Variants in NCKAP5 observed in about 807,000 individuals in gnomAD.
NCKAP5 encodes the protein NCK associated protein 5.
A neutral mutation model predicts 167.0 loss-of-function variants in NCKAP5; 92 were observed. The observed-to-expected ratio is 0.55, with a 90% confidence interval of 0.47 to 0.66. The LOEUF (loss-of-function observed/expected upper bound fraction) is 0.66. Ranked by LOEUF, NCKAP5 falls within the 30% of genes least tolerant of loss-of-function variation. NCKAP5 has a pLI of 0.00. For missense variants in NCKAP5, 2,378 were observed against 2,315.0 expected (o/e 1.03, Z -0.56); for synonymous variants, 891 against 877.4 (o/e 1.02, Z -0.27).
intron 16 of NCKAP5, among the ~76,000 whole-genome samples, chr2:132,771,885 G>T (rs111763437): frequency 0.13 from 17,800 of 142,070 alleles, 1,328 homozygotes; most frequent in African/African-American, 0.19. Context: ...TAGAGACAGG[G>T]TTTCACCGTG....
chr2:132,706,151 G>A (rs1022574383), intron 19 of NCKAP5, among the ~76,000 whole-genome samples: 1 of 152,010 alleles, frequency 6.6e-6, no homozygotes, highest in African/African-American at 2.4e-5. Context: ...TGAAATAAGT[G>A]TTGGGATGAG....
chr2:133,338,222 G>A (rs546748646), intron 3 of NCKAP5, among the ~76,000 whole-genome samples: 199 of 152,196 alleles, frequency 1.3e-3, no homozygotes, highest in Non-Finnish European at 2.2e-3. Flanking sequence ...CTGTGAAGCA[G>A]TGGAGTGAAA....
chr2:133,505,861 CAGATAGG>C, intron 3 of NCKAP5, among the ~76,000 whole-genome samples: 1 of 152,230 alleles, frequency 6.6e-6, no homozygotes, highest in Non-Finnish European at 1.5e-5. Flanking sequence ...TGGAGTTTAG[CAGATAGG>C]AGCTGCACCG....
chr2:133,094,240 G>A (rs189863120), intron 6 of NCKAP5, among the ~76,000 whole-genome samples: 62 of 152,340 alleles, frequency 4.1e-4, no homozygotes, highest in African/African-American at 1.5e-3. Flanking sequence ...ACAAAGCAGA[G>A]GACAGCTGAG....
At chr2:133,036,560 A>G (rs1045724441) in intron 6 of NCKAP5, among the ~76,000 whole-genome samples, 6 of 152,082 alleles carry the variant, frequency 3.9e-5, no homozygotes, top group African/African-American at 1.4e-4. Context: ...AGAACGAAGG[A>G]TAAAAACCAC....
intron 3 of NCKAP5, among the ~76,000 whole-genome samples, chr2:133,502,330 T>A (rs2151389734): frequency 6.6e-6 from 1 of 152,272 alleles, no homozygotes; most frequent in East Asian, 1.9e-4. Context: ...TGGGTTCTTT[T>A]TTACTCTGTA....
chr2:133,535,364 C>T (rs1275059500), intron 2 of NCKAP5, among the ~76,000 whole-genome samples: 1 of 151,928 alleles, frequency 6.6e-6, no homozygotes, highest in Non-Finnish European at 1.5e-5. Context: ...TGTTTAACTC[C>T]TGCTTTTAAG....
intron 16 of NCKAP5, 88 bp downstream of exon 16, chr2:132,773,728 C>A: frequency 9.7e-7 from 1 of 1,036,104 alleles, no homozygotes; most frequent in Non-Finnish European, 1.4e-6. Context: ...GATAGAGGGA[C>A]ATGGTCTCTA....
At chr2:133,005,323 A>G (rs1480155550) in intron 6 of NCKAP5, among the ~76,000 whole-genome samples, 1 of 152,228 alleles carries the variant, frequency 6.6e-6, no homozygotes, top group Non-Finnish European at 1.5e-5. Context: ...ATAAATGTTC[A>G]TGAAATCTTC....
intron 2 of NCKAP5, among the ~76,000 whole-genome samples, chr2:133,534,805 T>C (rs1158759119): frequency 2.0e-5 from 3 of 152,244 alleles, no homozygotes; most frequent in Admixed American, 2.0e-4. Context: ...TACAACTTTT[T>C]ATATGGACAT....
chr2:133,429,300 T>A (rs908260653), intron 3 of NCKAP5, among the ~76,000 whole-genome samples: 2 of 151,982 alleles, frequency 1.3e-5, no homozygotes, highest in Non-Finnish European at 2.9e-5. Context: ...CTACTTTTTT[T>A]TAATTTCCAT....
chr2:133,032,527 C>G (rs2078912498), intron 6 of NCKAP5, among the ~76,000 whole-genome samples: 1 of 152,150 alleles, frequency 6.6e-6, no homozygotes, highest in Non-Finnish European at 1.5e-5. Context: ...ACCTAGGGGC[C>G]TGGGGGACCT....
intron 6 of NCKAP5, among the ~76,000 whole-genome samples, chr2:133,058,517 G>C (rs1286449347): frequency 6.6e-6 from 1 of 152,214 alleles, no homozygotes; most frequent in Non-Finnish European, 1.5e-5. Flanking sequence ...CAAACCTTCA[G>C]TGGTATAAGT....
chr2:132,726,793 T>C (rs963921229), intron 18 of NCKAP5, among the ~76,000 whole-genome samples: 2 of 152,220 alleles, frequency 1.3e-5, no homozygotes, highest in Admixed American at 6.5e-5. Context: ...AACTACTCTG[T>C]GCTAAGCAGT....
At chr2:132,945,752 C>T (rs1697669913) in intron 8 of NCKAP5, among the ~76,000 whole-genome samples, 1 of 152,160 alleles carries the variant, frequency 6.6e-6, no homozygotes, top group African/African-American at 2.4e-5. Context: ...TTTATTTAAT[C>T]CATTTGCATA....
intron 19 of NCKAP5, among the ~76,000 whole-genome samples, chr2:132,717,010 G>C (rs554776643): frequency 6.6e-6 from 1 of 152,234 alleles, no homozygotes; most frequent in Non-Finnish European, 1.5e-5. Flanking sequence ...ACTCAGCATA[G>C]TGCACACCCA....
chr2:132,900,977 G>GAAAAAAAAAAAAA (rs58885401), intron 8 of NCKAP5, among the ~76,000 whole-genome samples: 1 of 98,668 alleles, frequency 1.0e-5, no homozygotes, highest in African/African-American at 3.7e-5. Flanking sequence ...AAAAAAAAAA[G>GAAAAAAAAAAAAA]AAAAAAAAAA....
the NCKAP5 span, among the ~76,000 whole-genome samples, chr2:133,622,605 G>T: frequency 2.0e-5 from 3 of 152,108 alleles, no homozygotes; most frequent in African/African-American, 7.2e-5. Flanking sequence ...AACCAAGGAT[G>T]TGAAAGACCT....
chr2:132,910,321 A>G (rs1332490718), intron 8 of NCKAP5, among the ~76,000 whole-genome samples: 1 of 152,042 alleles, frequency 6.6e-6, no homozygotes, highest in Non-Finnish European at 1.5e-5. Context: ...ACTATAGTCA[A>G]TAATATTTGT....
Sources: gnomAD v4.1 joint callset for allele counts (sites outside exome capture counted in the v4.1 genomes callset) on GRCh38, gnomAD v4.1.1 for gene constraint, MANE v1.5 for transcripts, NCBI Gene and HGNC (gene_info 2026-07-23, HGNC 2026-07-21) for gene names.